Variants in SCGB2B2 observed in about 807,000 individuals in gnomAD.
SCGB2B2 encodes secretoglobin-like protein.
In SCGB2B2, 11 loss-of-function variants were observed where a neutral mutation model predicts 7.6. The ratio of observed to expected loss-of-function variants is 1.45; its 90% CI spans 0.91 to 2.40. The LOEUF (loss-of-function observed/expected upper bound fraction) is 2.40. Among genes scored for constraint, SCGB2B2 ranks in the 30% most tolerant of loss-of-function variants. The pLI is 0.00. For missense variants in SCGB2B2, 104 were observed against 115.4 expected, an observed-to-expected ratio of 0.90 and a Z score of 0.45; for synonymous variants, 50 against 48.6, an observed-to-expected ratio of 1.03 and a Z score of -0.12.
intron 1 of SCGB2B2, among the ~76,000 whole-genome samples, chr19:34,648,913 T>C (rs1342646271): frequency 6.6e-6 from 1 of 152,098 alleles, no homozygotes; most frequent in East Asian, 1.9e-4. Flanking sequence ...TATTTATTTA[T>C]TTATTTTGAG....
chr19:34,659,737 C>T lies in SCGB2B2; in HGVS notation c.-2032+15893G>A, dbSNP rs1438651947. The stretch of plus-strand genomic sequence containing the variant: ...CCCAAGGTAATTTATAGATTCAATG[C>T]TATCCCCATCAAACTACCAATGACT... On this transcript the variant is annotated intron_variant, in intron 1 of 3. Transcript: ENST00000601241. Among the ~76,000 whole-genome samples the T allele has an allele frequency of 3.3e-5, 5 of 152,170 alleles. No homozygotes were observed. In the South Asian group the frequency reaches 1.0e-3, roughly 32 times the overall value.
At chr19:34,640,067 T>C (rs369494298) in intron 1 of SCGB2B2, among the ~76,000 whole-genome samples, 66 of 152,214 alleles carry the variant, frequency 4.3e-4, no homozygotes, top group Middle Eastern at 3.4e-3. Context: ...CTCCAAAAGG[T>C]AGATGATAAC....
At chr19:34,613,972 T>A (rs554199227) in intron 1 of SCGB2B2, among the ~76,000 whole-genome samples, 2 of 152,366 alleles carry the variant, frequency 1.3e-5, no homozygotes, top group East Asian at 3.9e-4. Flanking sequence ...CTGTAAAGTT[T>A]CTGTGAAGAA....
At chr19:34,642,493 C>T (rs749262076) in intron 1 of SCGB2B2, among the ~76,000 whole-genome samples, 1 of 151,956 alleles carries the variant, frequency 6.6e-6, no homozygotes, top group Non-Finnish European at 1.5e-5. Flanking sequence ...AGGCAGGTGA[C>T]TCACGAGGTC....
intron 1 of SCGB2B2, among the ~76,000 whole-genome samples, chr19:34,626,332 C>G (rs1056894230): frequency 6.6e-6 from 1 of 152,014 alleles, no homozygotes; most frequent in Non-Finnish European, 1.5e-5. Context: ...GAAGTTCGAA[C>G]CCATGGCAAA....
intron 1 of SCGB2B2, among the ~76,000 whole-genome samples, chr19:34,658,810 CAACAA>C (rs1283177596): frequency 2.5e-4 from 16 of 63,212 alleles, no homozygotes; most frequent in South Asian, 1.4e-3. Context: ...ACAACAACAA[CAACAA>C]AAAAAAAAAA....
intron 1 of SCGB2B2, among the ~76,000 whole-genome samples, chr19:34,648,824 G>C (rs1447060879): frequency 6.6e-6 from 1 of 151,658 alleles, no homozygotes; most frequent in African/African-American, 2.4e-5. Flanking sequence ...ATTTATTTTA[G>C]AAATTCCCCT....
chr19:34,602,452 C>T (rs1212888497), intron 1 of SCGB2B2, among the ~76,000 whole-genome samples: 1 of 152,200 alleles, frequency 6.6e-6, no homozygotes, highest in Admixed American at 6.6e-5. Flanking sequence ...GCGGTTTCCA[C>T]TTATTCTAAG....
At position 34,592,256 on chromosome 19, in the gene SCGB2B2, T is replaced by TG. The variant is rs2065314905; in HGVS notation, c.*1298dup. On this transcript the variant is annotated 3_prime_UTR_variant, in exon 4 of 4. Transcript: ENST00000601241. ...GAAATCTGGGAGTGCAAAGATAGGG[T>TG]GGTCAGCAGTGGAGCCTTGTCCTGG... Among the ~76,000 whole-genome samples the TG allele has an allele frequency of 1.3e-5, 2 of 151,828 alleles. No individual in the cohort carries two copies. The highest frequency in any genetic ancestry group is 2.9e-5 in the Non-Finnish European group (2 of 67,944).
intron 1 of SCGB2B2, among the ~76,000 whole-genome samples, chr19:34,654,873 T>A (rs2067243105): frequency 6.6e-6 from 1 of 151,128 alleles, no homozygotes; most frequent in Admixed American, 6.6e-5. Flanking sequence ...ATGGCCAGCC[T>A]CCCATCAATT....
chr19:34,668,537 G>C (rs1238404232), intron 1 of SCGB2B2, among the ~76,000 whole-genome samples: 1 of 152,208 alleles, frequency 6.6e-6, no homozygotes, highest in African/African-American at 2.4e-5. Flanking sequence ...GCTGGTGCAC[G>C]GCGCGGGACT....
chr19:34,606,087 A>G (rs2065769649), intron 1 of SCGB2B2, among the ~76,000 whole-genome samples: 1 of 151,802 alleles, frequency 6.6e-6, no homozygotes, highest in African/African-American at 2.4e-5. Context: ...ATTTTTTAAA[A>G]AAATTTTATG....
At chr19:34,635,515 C>A in intron 1 of SCGB2B2, 1 of 290,532 alleles carries the variant, frequency 3.4e-6, no homozygotes. Context: ...TCGCTGCACC[C>A]GTAAGGCTTT....
chr19:34,667,411 G>C (rs1015361352), intron 1 of SCGB2B2, among the ~76,000 whole-genome samples: 6 of 151,780 alleles, frequency 4.0e-5, no homozygotes, highest in South Asian at 2.1e-4. Context: ...CAGCCTGTCC[G>C]GCCCAGGAGA....
chr19:34,612,517 T>C (rs2065960862), intron 1 of SCGB2B2, among the ~76,000 whole-genome samples: 1 of 152,228 alleles, frequency 6.6e-6, no homozygotes, highest in Non-Finnish European at 1.5e-5. Context: ...TTTTCATCAT[T>C]TAAAAATGTA....
intron 1 of SCGB2B2, among the ~76,000 whole-genome samples, chr19:34,607,667 G>T (rs527854055): frequency 3.3e-5 from 5 of 152,356 alleles, no homozygotes; most frequent in Admixed American, 1.3e-4. Context: ...GTGGTATGTT[G>T]TGGTTTTGAT....
chr19:34,587,143 G>C (rs1253729991), downstream of SCGB2B2, among the ~76,000 whole-genome samples: 1 of 152,184 alleles, frequency 6.6e-6, no homozygotes, highest in Middle Eastern at 3.4e-3. Context: ...CGTGACCTCA[G>C]ATGATCCACC....
At chr19:34,641,054 G>C (rs1484560208) in intron 1 of SCGB2B2, among the ~76,000 whole-genome samples, 1 of 144,614 alleles carries the variant, frequency 6.9e-6, no homozygotes, top group Non-Finnish European at 1.5e-5. Context: ...GGGGTGTGAT[G>C]GTGAATACTT....
At chr19:34,613,548 T>C (rs889985657) in intron 1 of SCGB2B2, among the ~76,000 whole-genome samples, 4 of 152,254 alleles carry the variant, frequency 2.6e-5, no homozygotes, top group Admixed American at 1.3e-4. Context: ...TCAGAGTTAT[T>C]GATAAGTGAG....
Sources: allele counts gnomAD v4.1 joint callset (sites outside exome capture counted in the v4.1 genomes callset), GRCh38; gene constraint gnomAD v4.1.1; transcripts MANE v1.5; gene names NCBI Gene and HGNC (gene_info 2026-07-23, HGNC 2026-07-21).